SEMA3A: variants seen among roughly 807,000 people sequenced by gnomAD.
SEMA3A encodes semaphorin-3A.
Under a neutral mutation model 97.9 loss-of-function variants are expected in SEMA3A, and 29 were observed. The observed-to-expected ratio is 0.30, with a 90% CI of 0.22 to 0.40. The LOEUF (loss-of-function observed/expected upper bound fraction) is 0.40, where lower values mean the gene tolerates loss of function less well. Ranked by LOEUF, SEMA3A falls within the 10% of genes least tolerant of loss-of-function variation. The pLI is 1.00. For missense variants in SEMA3A, 763 were observed against 951.3 expected (o/e 0.80, Z 2.60); for synonymous variants, 321 against 323.7 (o/e 0.99, Z 0.09).
chr7:84,329,121 G>A (rs1032029921), intron 2 of SEMA3A, among the ~76,000 whole-genome samples: 12 of 151,806 alleles, frequency 7.9e-5, no homozygotes, highest in African/African-American at 2.9e-4. Context: ...AAAAAAACCC[G>A]ATTGCATCAA....
intron 5 of SEMA3A, among the ~76,000 whole-genome samples, chr7:84,054,060 T>C (rs1171155867): frequency 2.4e-4 from 37 of 151,866 alleles, no homozygotes; most frequent in Admixed American, 1.8e-3. Context: ...TTCTGGCTTG[T>C]AGGGTTTCTG....
chr7:84,277,351 GGT>G (rs1165748815), intron 3 of SEMA3A, among the ~76,000 whole-genome samples: 1 of 151,832 alleles, frequency 6.6e-6, no homozygotes, highest in South Asian at 2.1e-4. Flanking sequence ...AAGTTGTGTG[GGT>G]GTGTGTGTGA....
chr7:84,319,903 T>C (rs936660882), intron 2 of SEMA3A, among the ~76,000 whole-genome samples: 2 of 152,168 alleles, frequency 1.3e-5, no homozygotes, highest in East Asian at 1.9e-4. Flanking sequence ...GTTAACACTA[T>C]ATATTTTATA....
At chr7:84,139,949 TCCC>T (rs1031580454) in intron 1 of SEMA3A, among the ~76,000 whole-genome samples, 7 of 152,038 alleles carry the variant, frequency 4.6e-5, no homozygotes, top group Non-Finnish European at 7.4e-5. Context: ...TATTTACTTT[TCCC>T]CCCAAGAGTA....
At chr7:84,090,256 G>A (rs1345171522) in intron 4 of SEMA3A, among the ~76,000 whole-genome samples, 1 of 152,062 alleles carries the variant, frequency 6.6e-6, no homozygotes, top group East Asian at 1.9e-4. Flanking sequence ...AGGTAAGTGA[G>A]TTTTAATATT....
chr7:84,130,865 T>C (rs1037911648), intron 2 of SEMA3A, among the ~76,000 whole-genome samples: 4 of 152,056 alleles, frequency 2.6e-5, no homozygotes, highest in Admixed American at 6.6e-5. Flanking sequence ...TTAAAACATA[T>C]ATATGTTTAA....
At chr7:84,303,339 T>A (rs1181132649) in intron 3 of SEMA3A, among the ~76,000 whole-genome samples, 1 of 152,130 alleles carries the variant, frequency 6.6e-6, no homozygotes, top group Non-Finnish European at 1.5e-5. Flanking sequence ...TTTCTTAGTA[T>A]GCCCAAGCCA....
intron 1 of SEMA3A, among the ~76,000 whole-genome samples, chr7:84,435,496 T>C (rs543841358): frequency 6.6e-6 from 1 of 152,280 alleles, no homozygotes; most frequent in African/African-American, 2.4e-5. Context: ...TAGTCCCAGC[T>C]ACTCGGGTGG....
At chr7:84,453,833 A>T (rs915835045) in intron 1 of SEMA3A, among the ~76,000 whole-genome samples, 2 of 152,308 alleles carry the variant, frequency 1.3e-5, no homozygotes, top group East Asian at 3.9e-4. Context: ...TATCACTTCA[A>T]TAAATAAAAA....
chr7:84,410,220 C>T (rs1044433060), intron 1 of SEMA3A, among the ~76,000 whole-genome samples: 1 of 152,010 alleles, frequency 6.6e-6, no homozygotes, highest in Non-Finnish European at 1.5e-5. Flanking sequence ...TTTATACTTT[C>T]TATACAATAA....
At chr7:84,390,586 T>C (rs774575207) in intron 1 of SEMA3A, among the ~76,000 whole-genome samples, 20 of 152,162 alleles carry the variant, frequency 1.3e-4, no homozygotes, top group African/African-American at 3.6e-4. Flanking sequence ...AATACAGTCA[T>C]AAAATCATGC....
At chr7:84,038,733 T>A (rs1389580183) in intron 6 of SEMA3A, among the ~76,000 whole-genome samples, 2 of 152,134 alleles carry the variant, frequency 1.3e-5, no homozygotes, top group Admixed American at 1.3e-4. Flanking sequence ...TTGAAAAAAA[T>A]TTAATGGAGA....
intron 11 of SEMA3A, among the ~76,000 whole-genome samples, chr7:84,004,050 G>C (rs1790563232): frequency 7.0e-6 from 1 of 143,508 alleles, no homozygotes; most frequent in Non-Finnish European, 1.5e-5. Context: ...TTCTCCTGTA[G>C]TTAATGCAAT....
intron 2 of SEMA3A, among the ~76,000 whole-genome samples, chr7:84,308,427 T>C (rs1009740524): frequency 1.3e-5 from 2 of 152,158 alleles, no homozygotes; most frequent in African/African-American, 2.4e-5. Context: ...CATCATGAGA[T>C]GGTGAAATTA....
chr7:84,452,429 A>T (rs961505722), intron 1 of SEMA3A, among the ~76,000 whole-genome samples: 17 of 152,200 alleles, frequency 1.1e-4, no homozygotes, highest in Admixed American at 3.3e-4. Context: ...AGCAAAACAG[A>T]TAGGTATCAT....
intron 3 of SEMA3A, among the ~76,000 whole-genome samples, chr7:84,251,600 C>T (rs1799611129): frequency 3.3e-5 from 5 of 152,192 alleles, no homozygotes; most frequent in Admixed American, 3.3e-4. Flanking sequence ...GGGTGTCCCA[C>T]AGAAACCAAG....
At chr7:84,192,260 G>C (rs181576183) in intron 1 of SEMA3A, among the ~76,000 whole-genome samples, 1 of 152,002 alleles carries the variant, frequency 6.6e-6, no homozygotes, top group East Asian at 1.9e-4. Flanking sequence ...CAAAGTACTG[G>C]CAATTGGCTA....
chr7:83,995,940 CTCTT>C (rs894468932), intron 12 of SEMA3A, among the ~76,000 whole-genome samples: 3 of 152,118 alleles, frequency 2.0e-5, no homozygotes, highest in African/African-American at 7.2e-5. Context: ...AAAAATTAAA[CTCTT>C]TCATTTGTCT....
In SEMA3A at chr7:84,123,052, G is replaced by A. The variant is rs149357882; in HGVS notation, c.333+6071C>T. Among the ~76,000 whole-genome samples the A allele has an allele frequency of 2.7e-3, 415 of 152,168 alleles. 2 individuals carry two copies. The highest frequency in any genetic ancestry group is 9.5e-3 in the African/African-American group (393 of 41,540). ...TTCAAAATATTTCTAACAGTCATACGGTTGCCATTTGGTTTTACTGAAATT... is the reference window on the plus strand; with the variant it reads ...TTCAAAATATTTCTAACAGTCATACAGTTGCCATTTGGTTTTACTGAAATT... On this transcript the variant is annotated intron_variant, in intron 3 of 16. Transcript: ENST00000265362.
Sources: allele counts gnomAD v4.1 joint callset (sites outside exome capture counted in the v4.1 genomes callset), GRCh38; gene constraint gnomAD v4.1.1; transcripts MANE v1.5; gene names NCBI Gene and HGNC (gene_info 2026-07-23, HGNC 2026-07-21).